The following HPRT1 variants were observed in gnomAD, a reference collection of about 807,000 sequenced individuals.
HPRT1 encodes the protein hypoxanthine phosphoribosyltransferase 1, also known as hypoxanthine-guanine phosphoribosyltransferase.
In HPRT1, 4 loss-of-function variants were observed where a neutral mutation model predicts 19.0. The ratio of observed to expected loss-of-function variants is 0.21; its 90% CI spans 0.10 to 0.48. The LOEUF is 0.48. HPRT1 is among the 20% of genes least tolerant of loss of function. The probability of loss-of-function intolerance (pLI) is 0.98; values close to 1 mark genes in which losing one functional copy is unlikely to be tolerated. For missense variants in HPRT1, 65 were observed against 164.0 expected (o/e 0.40, Z 3.30); for synonymous variants, 53 against 54.9 (o/e 0.97, Z 0.15).
intron 3 of HPRT1, 144 bp from the exon 4 acceptor site, chrX:134,486,318 TATC>T (rs1396883088): frequency 3.4e-5 from 9 of 267,820 alleles, no homozygotes; most frequent in Non-Finnish European, 6.0e-5. Context: ...TCATTTAGAA[TATC>T]ATAATGCTAT....
intron 8 of HPRT1, among the ~76,000 whole-genome samples, chrX:134,499,530 C>T (rs2077689819): frequency 9.2e-6 from 1 of 108,340 alleles, no homozygotes; most frequent in Non-Finnish European, 1.9e-5. Flanking sequence ...ACAGACTGGG[C>T]GCGGTGGCTC....
chrX:134,464,808 C>A (rs940303804), intron 1 of HPRT1, among the ~76,000 whole-genome samples: 9 of 110,594 alleles, frequency 8.1e-5, no homozygotes, highest in Non-Finnish European at 1.5e-4. Context: ...ACCTCATGAT[C>A]TGCCTGCTTC....
intron 2 of HPRT1, 23 bp downstream of exon 2, chrX:134,473,488 G>T (rs1569354929): frequency 1.1e-6 from 1 of 942,617 alleles, no homozygotes; most frequent in African/African-American, 1.9e-5. Context: ...TTAAAATGAG[G>T]TTTTTTACTT....
At chrX:134,481,094 C>A (rs1387606919) in intron 3 of HPRT1, among the ~76,000 whole-genome samples, 3 of 109,477 alleles carry the variant, frequency 2.7e-5, no homozygotes, top group Non-Finnish European at 5.7e-5. Context: ...CACATAGTTA[C>A]CCATTTTTTT....
At chrX:134,465,276 G>A (rs1193096513) in intron 1 of HPRT1, among the ~76,000 whole-genome samples, 1 of 108,649 alleles carries the variant, frequency 9.2e-6, no homozygotes, top group Admixed American at 9.9e-5. Context: ...ATGATGAATT[G>A]ATGTTGCAAG....
chrX:134,474,163 A>T (rs1435358216), intron 2 of HPRT1, among the ~76,000 whole-genome samples: 1 of 111,982 alleles, frequency 8.9e-6, no homozygotes, highest in Non-Finnish European at 1.9e-5. Context: ...GTTGCATAGC[A>T]TTCTGTCTTA....
Position 134,473,262 on chromosome X carries a change from TTC to T in HPRT1, c.28-93_28-92del. On this transcript the variant is annotated intron_variant, in intron 1 of 8. Coordinates refer to ENST00000298556, the MANE Select transcript of HPRT1 (RefSeq NM_000194.3). ...TACTAATATCATCTTACACCTAAAT[TTC>T]TCTGATAGACTAAGGTTATTTTTTA... is the stretch of plus-strand genomic sequence containing the variant. 2.3e-5 allele frequency: 13 copies of T among 570,654 alleles called. No homozygotes were observed. In the South Asian group the frequency reaches 3.2e-4, roughly 14 times the overall value. The allele number at this position is 570,654 out of a possible 1,213,427, so 47.0% of individuals were successfully genotyped here.
chrX:134,480,691 C>T (rs2124294927), intron 3 of HPRT1, among the ~76,000 whole-genome samples: 1 of 104,306 alleles, frequency 9.6e-6, no homozygotes, highest in East Asian at 3.1e-4. Context: ...TCAAGCAATC[C>T]TTCTGCCTTG....
intron 4 of HPRT1, among the ~76,000 whole-genome samples, chrX:134,489,354 C>A (rs1440851907): frequency 9.0e-6 from 1 of 111,596 alleles, no homozygotes; most frequent in Admixed American, 9.6e-5. Context: ...ATCTTTCTTG[C>A]AAACCAGTGG....
chrX:134,463,616 C>A (rs763481925), intron 1 of HPRT1, among the ~76,000 whole-genome samples: 15 of 111,626 alleles, frequency 1.3e-4, no homozygotes, highest in African/African-American at 3.9e-4. Context: ...TTGTTTGTAT[C>A]TGGGTATTGC....
At position 134,471,069 on chromosome X, in the gene HPRT1, T is replaced by A. The variant is rs17879848; in HGVS notation, c.28-2290T>A. ...TCTTTTTATCTTTTTGTATTCTGAT[T>A]TTTTGTTTGTATATTTTGCTTTAAT... On this transcript the variant is annotated intron_variant, in intron 1 of 8. Transcript: ENST00000298556. Among the ~76,000 whole-genome samples the A allele has an allele frequency of 3.1e-4, 34 of 110,276 alleles. 1 individual carries two copies. In the East Asian group the frequency reaches 7.6e-3, roughly 25 times the overall value.
chrX:134,467,572 G>A (rs914203696), intron 1 of HPRT1, among the ~76,000 whole-genome samples: 1 of 111,643 alleles, frequency 9.0e-6, no homozygotes, highest in Non-Finnish European at 1.9e-5. Context: ...ACAAGTAAGG[G>A]CTAATAAGAT....
chrX:134,487,438 G>A (rs1166809501), intron 4 of HPRT1, among the ~76,000 whole-genome samples: 1 of 109,083 alleles, frequency 9.2e-6, no homozygotes, highest in African/African-American at 3.3e-5. Flanking sequence ...CTTACACTAT[G>A]CCAAATATAA....
intron 3 of HPRT1, among the ~76,000 whole-genome samples, chrX:134,479,578 T>TTTGTTG (rs747004660): frequency 9.0e-6 from 1 of 111,141 alleles, no homozygotes; most frequent in African/African-American, 3.3e-5. Context: ...CCAGTGGTTT[T>TTTGTTG]TTGTTGTTGT....
chrX:134,479,097 A>G (rs1012681812), intron 3 of HPRT1, among the ~76,000 whole-genome samples: 18 of 112,064 alleles, frequency 1.6e-4, no homozygotes, highest in African/African-American at 5.8e-4. Flanking sequence ...CTGTAATCCC[A>G]GTACTTTGGG....
At chrX:134,484,510 A>G (rs1252241280) in intron 3 of HPRT1, among the ~76,000 whole-genome samples, 2 of 112,345 alleles carry the variant, frequency 1.8e-5, no homozygotes, top group Admixed American at 1.9e-4. Context: ...GTAACACTCC[A>G]TAATAAATGG....
chrX:134,477,173 GTC>G (rs1249614998), intron 3 of HPRT1, among the ~76,000 whole-genome samples: 2 of 106,194 alleles, frequency 1.9e-5, no homozygotes, highest in African/African-American at 6.8e-5. Flanking sequence ...CAATTCTTCT[GTC>G]TCAGCCTCCC....
In HPRT1 at chrX:134,475,229, C is replaced by T. The variant is rs145358570; in HGVS notation, c.183C>T (p.His61=). 3 of 1,199,725 alleles carry T rather than the reference C, an allele frequency of 2.5e-6. No homozygotes were observed. The highest frequency in any genetic ancestry group is 3.5e-5 in the African/African-American group (2 of 56,965). ...RDVMKEMGGH[H]IVALCVLKGG... is the part of the protein sequence containing the mutation. The stretch of plus-strand genomic sequence containing the variant: ...TGATGAAGGAGATGGGAGGCCATCA[C>T]ATTGTAGCCCTCTGTGTGCTCAAGG... Residue 61 remains histidine, a synonymous_variant, in exon 3 of 9, where the codon CAC becomes CAT. Transcript: ENST00000298556.
intron 1 of HPRT1, among the ~76,000 whole-genome samples, chrX:134,470,531 T>C (rs2077607876): frequency 8.9e-6 from 1 of 111,871 alleles, no homozygotes; most frequent in Non-Finnish European, 1.9e-5. Context: ...GCTCAATAGG[T>C]ACTAACTGAT....
Sources: allele counts gnomAD v4.1 joint callset (sites outside exome capture counted in the v4.1 genomes callset), GRCh38; gene constraint gnomAD v4.1.1; transcripts MANE v1.5; gene names NCBI Gene and HGNC (gene_info 2026-07-23, HGNC 2026-07-21).